RIMS2: variants seen among roughly 807,000 people sequenced by gnomAD.
RIMS2 encodes regulating synaptic membrane exocytosis 2, also known as regulating synaptic membrane exocytosis protein 2.
A neutral mutation model predicts 174.4 loss-of-function variants in RIMS2; 59 were observed. That is an observed-to-expected ratio of 0.34 (90% confidence interval 0.27 to 0.42). The LOEUF (loss-of-function observed/expected upper bound fraction) is 0.42. RIMS2 is among the 10% of genes least tolerant of loss of function. The pLI is 1.00. For missense variants in RIMS2, 1,620 were observed against 1,666.3 expected, an observed-to-expected ratio of 0.97 and a Z score of 0.48; for synonymous variants, 606 against 572.5, an observed-to-expected ratio of 1.06 and a Z score of -0.84.
At chr8:103,961,021 T>C (rs765785804) in intron 14 of RIMS2, 44 bp from the exon 17 acceptor site, 2 of 1,010,462 alleles carry the variant, frequency 2.0e-6, no homozygotes, top group Non-Finnish European at 1.6e-6. Flanking sequence ...TTTTCTTCCT[T>C]AGAGAATCAG....
chr8:103,522,405 A>G (rs1238382174), intron 1 of RIMS2, among the ~76,000 whole-genome samples: 1 of 152,134 alleles, frequency 6.6e-6, no homozygotes, highest in Non-Finnish European at 1.5e-5. Flanking sequence ...GGTAAAATAG[A>G]AGAAAAAATT....
chr8:103,564,365 C>G (rs1396708876), intron 1 of RIMS2, among the ~76,000 whole-genome samples: 2 of 152,082 alleles, frequency 1.3e-5, no homozygotes, highest in East Asian at 3.8e-4. Flanking sequence ...TCTAGAGGAA[C>G]AGAACTAATA....
rs749876638 is a variant in RIMS2, at chr8:104,068,493, GT to G, written c.3334+53885del. The G allele has an allele frequency of 2.3e-5, 27 of 1,151,714 alleles. No homozygotes were observed. The highest frequency in any genetic ancestry group is 1.9e-4 in the Middle Eastern group (1 of 5,200). The allele number at this position is 1,151,714 out of a possible 1,614,324, so 71.3% of individuals were successfully genotyped here. On this transcript the variant is annotated intron_variant, in intron 19 of 23. Transcript: ENST00000504942. ...TAAGAACTGAACATTAATTTTATGG[GT>G]TTTTTTCTACTCGATAGGTACTATG...
chr8:104,082,353 G>C (rs927582516), intron 19 of RIMS2, among the ~76,000 whole-genome samples: 3 of 152,106 alleles, frequency 2.0e-5, no homozygotes, highest in African/African-American at 7.2e-5. Context: ...TACAAAATAG[G>C]CTGTGTTGAA....
intron 19 of RIMS2, among the ~76,000 whole-genome samples, chr8:104,129,500 G>T (rs1249430449): frequency 6.6e-6 from 1 of 152,210 alleles, no homozygotes; most frequent in African/African-American, 2.4e-5. Context: ...TGTGGTTCCT[G>T]GAAGATGGAA....
At chr8:103,538,015 G>A (rs1031700688) in intron 1 of RIMS2, among the ~76,000 whole-genome samples, 1 of 152,124 alleles carries the variant, frequency 6.6e-6, no homozygotes, top group African/African-American at 2.4e-5. Context: ...TATGGAATAT[G>A]TTTACTGTAG....
chr8:103,822,689 T>A (rs572839663), intron 3 of RIMS2, among the ~76,000 whole-genome samples: 1 of 151,878 alleles, frequency 6.6e-6, no homozygotes, highest in Non-Finnish European at 1.5e-5. Flanking sequence ...ACTGGACGTC[T>A]AGCAAAAAGA....
chr8:103,651,647 A>G (rs565792613), intron 1 of RIMS2, among the ~76,000 whole-genome samples: 11 of 152,148 alleles, frequency 7.2e-5, no homozygotes, highest in Non-Finnish European at 1.6e-4. Flanking sequence ...TTAACTTATG[A>G]ATATTTCTAA....
chr8:104,072,870 A>G (rs1055498050), intron 19 of RIMS2, among the ~76,000 whole-genome samples: 1 of 152,156 alleles, frequency 6.6e-6, no homozygotes, highest in African/African-American at 2.4e-5. Flanking sequence ...AAGAGAGTCT[A>G]TTTTTAATAA....
At chr8:104,110,168 T>A (rs1000755233) in intron 19 of RIMS2, among the ~76,000 whole-genome samples, 1 of 152,168 alleles carries the variant, frequency 6.6e-6, no homozygotes, top group Non-Finnish European at 1.5e-5. Context: ...AAGCTCAGAT[T>A]GATGGAAAAC....
chr8:104,160,800 C>T (rs2098756397), intron 19 of RIMS2, among the ~76,000 whole-genome samples: 1 of 152,154 alleles, frequency 6.6e-6, no homozygotes, highest in African/African-American at 2.4e-5. Context: ...GTCCCTACTA[C>T]CTCATAGCTT....
At chr8:103,683,738 A>G (rs2096907122) in intron 1 of RIMS2, among the ~76,000 whole-genome samples, 1 of 152,176 alleles carries the variant, frequency 6.6e-6, no homozygotes, top group South Asian at 2.1e-4. Flanking sequence ...TCAAATTTCT[A>G]CACTTGGAAA....
chr8:103,891,673 G>A (rs558336637), intron 4 of RIMS2, among the ~76,000 whole-genome samples: 1 of 152,088 alleles, frequency 6.6e-6, no homozygotes, highest in African/African-American at 2.4e-5. Flanking sequence ...TGTAAAAAGT[G>A]GCCTAGCAAA....
chr8:104,146,723 C>T (rs1024475723), intron 19 of RIMS2, among the ~76,000 whole-genome samples: 4 of 151,974 alleles, frequency 2.6e-5, no homozygotes, highest in South Asian at 2.1e-4. Context: ...TTTTCTGAGA[C>T]GGGATCTAAC....
At chr8:103,708,874 C>G (rs1043739776) in intron 2 of RIMS2, among the ~76,000 whole-genome samples, 9 of 152,110 alleles carry the variant, frequency 5.9e-5, no homozygotes, top group African/African-American at 2.2e-4. Flanking sequence ...ACTGTTCCTT[C>G]CTTTCTCTAG....
At chr8:103,822,698 GA>G (rs1465664427) in intron 3 of RIMS2, among the ~76,000 whole-genome samples, 1 of 151,804 alleles carries the variant, frequency 6.6e-6, no homozygotes, top group East Asian at 1.9e-4. Flanking sequence ...CTAGCAAAAA[GA>G]AAACATGTGT....
intron 19 of RIMS2, among the ~76,000 whole-genome samples, chr8:104,050,290 A>G (rs1304187527): frequency 6.6e-6 from 1 of 152,206 alleles, no homozygotes; most frequent in Non-Finnish European, 1.5e-5. Flanking sequence ...CATAACAGTG[A>G]CATAGACATA....
At chr8:104,138,403 A>G (rs2098539200) in intron 19 of RIMS2, among the ~76,000 whole-genome samples, 1 of 152,170 alleles carries the variant, frequency 6.6e-6, no homozygotes, top group African/African-American at 2.4e-5. Flanking sequence ...ACGGTGTAAG[A>G]GGGTTCCCTT....
intron 19 of RIMS2, among the ~76,000 whole-genome samples, chr8:104,040,379 T>C (rs1041152674): frequency 1.3e-5 from 2 of 151,806 alleles, no homozygotes; most frequent in Admixed American, 1.3e-4. Context: ...AGTACACTAA[T>C]ATCTTTGGAA....
Sources: gnomAD v4.1 joint callset for allele counts (sites outside exome capture counted in the v4.1 genomes callset) on GRCh38, gnomAD v4.1.1 for gene constraint, MANE v1.5 for transcripts, NCBI Gene and HGNC (gene_info 2026-07-23, HGNC 2026-07-21) for gene names.